The following TMEM131 variants were observed in gnomAD, a reference collection of about 807,000 sequenced individuals.
TMEM131 encodes transmembrane protein 131, also known as 2610524E03Rik.
A neutral mutation model predicts 211.6 loss-of-function variants in TMEM131; 66 were observed. The ratio of observed to expected loss-of-function variants is 0.31; its 90% CI spans 0.26 to 0.38. The LOEUF (loss-of-function observed/expected upper bound fraction) is 0.38. Ranked by LOEUF, TMEM131 falls within the 10% of genes least tolerant of loss-of-function variation. The pLI, the probability that TMEM131 is intolerant of heterozygous loss-of-function variation, is 1.00. For missense variants in TMEM131, 2,036 were observed against 2,299.3 expected (o/e 0.89, Z 2.34); for synonymous variants, 844 against 841.3 (o/e 1.00, Z -0.06).
At position 97,945,669 on chromosome 2, in the gene TMEM131, C is replaced by A. The variant is rs565392245; in HGVS notation, c.188-18182G>T. On this transcript the variant is annotated intron_variant, in intron 1 of 40. Coordinates refer to ENST00000186436, the MANE Select transcript of TMEM131 (RefSeq NM_015348.2). ...ATTGTGCACGGGGAGGAGAAAACAG[C>A]AAATGATAAAGCAAATGGGTCAAAC... Among the ~76,000 whole-genome samples, 11 of 152,104 alleles carry A rather than the reference C, an allele frequency of 7.2e-5. No individual in the cohort carries two copies. In the East Asian group the frequency reaches 2.1e-3, roughly 29 times the overall value.
chr2:97,932,673 A>G (rs1260045498), intron 1 of TMEM131, among the ~76,000 whole-genome samples: 1 of 152,242 alleles, frequency 6.6e-6, no homozygotes, highest in Non-Finnish European at 1.5e-5. Context: ...CTTCAGTTAT[A>G]AAATGTAGAA....
intron 31 of TMEM131, among the ~76,000 whole-genome samples, chr2:97,784,436 GCAATAA>G (rs1241101565): frequency 6.6e-6 from 1 of 151,990 alleles, no homozygotes; most frequent in African/African-American, 2.4e-5. Flanking sequence ...AAAGTAGAAA[GCAATAA>G]CAGAAAGATA....
intron 4 of TMEM131, among the ~76,000 whole-genome samples, chr2:97,875,765 G>C (rs1227023367): frequency 6.6e-6 from 1 of 152,088 alleles, no homozygotes; most frequent in Non-Finnish European, 1.5e-5. Flanking sequence ...AGAGAAAGCA[G>C]GAAAGATCTA....
intron 11 of TMEM131, among the ~76,000 whole-genome samples, chr2:97,822,602 G>C (rs982149466): frequency 1.3e-5 from 2 of 152,150 alleles, no homozygotes; most frequent in African/African-American, 4.8e-5. Context: ...TGGTATAGGA[G>C]GACAGGCAAG....
chr2:97,907,024 T>G (rs1259198380), intron 3 of TMEM131: 1 of 152,160 alleles, frequency 6.6e-6, no homozygotes, highest in Non-Finnish European at 1.5e-5. Flanking sequence ...TCTTCGTAAA[T>G]GTAGTGCAGT....
Position 97,813,040 on chromosome 2 carries a change from T to G in TMEM131, c.1618-291A>C, listed in dbSNP as rs979407333. ...ATGCTTTCCTATGCTTTTGTATATA[T>G]GCATAAAACCACACATTTATACGAC... On this transcript the variant is annotated intron_variant, in intron 15 of 40. Transcript: ENST00000186436. Among the ~76,000 whole-genome samples, 2 of 152,138 alleles carry G rather than the reference T, an allele frequency of 1.3e-5. 1 individual carries two copies. Among genetic ancestry groups the G allele is most frequent in the African/African-American group, 4.8e-5 (2 of 41,416 alleles).
chr2:97,872,731 C>G (rs1674540539), intron 4 of TMEM131, among the ~76,000 whole-genome samples: 1 of 152,244 alleles, frequency 6.6e-6, no homozygotes, highest in South Asian at 2.1e-4. Flanking sequence ...GTCCCATGGT[C>G]TCTGCAAGCT....
chr2:97,972,470 G>A (rs974583410), intron 1 of TMEM131, among the ~76,000 whole-genome samples: 2 of 147,306 alleles, frequency 1.4e-5, no homozygotes, highest in East Asian at 2.0e-4. Flanking sequence ...GAGGGAAGGC[G>A]GGCGGGAGGG....
chr2:97,794,674 C>T (rs1680677510), intron 29 of TMEM131, among the ~76,000 whole-genome samples: 1 of 152,132 alleles, frequency 6.6e-6, no homozygotes, highest in South Asian at 2.1e-4. Flanking sequence ...TTTATCTGAG[C>T]ATTTTAAAAA....
At chr2:97,869,314 G>A (rs1022362913) in intron 4 of TMEM131, among the ~76,000 whole-genome samples, 2 of 152,216 alleles carry the variant, frequency 1.3e-5, no homozygotes, top group African/African-American at 4.8e-5. Flanking sequence ...CTGCAGGAGA[G>A]GGCTGTGGGG....
At chr2:97,760,761 G>C (rs188951413) in intron 37 of TMEM131, 32 bp downstream of exon 37, 1 of 1,613,762 alleles carries the variant, frequency 6.2e-7, no homozygotes, top group Admixed American at 1.7e-5. Context: ...CTGGCGCCTG[G>C]CGTGGCAGGT....
chr2:97,757,113 G>T lies in TMEM131; in HGVS notation c.5638C>A (p.Pro1880Thr). The T allele has an allele frequency of 1.3e-6, 2 of 1,595,792 alleles. No homozygotes were observed. The highest frequency in any genetic ancestry group is 1.7e-6 in the Non-Finnish European group (2 of 1,168,050). Residue 1880 changes from proline to threonine, a missense_variant, in exon 41 of 41, where the codon CCT (proline) becomes ACT (threonine). Physicochemically the swap from Pro to Thr is conservative, Grantham distance 38. Coordinates refer to ENST00000186436, the MANE Select transcript of TMEM131 (RefSeq NM_015348.2). Reference sequence around the variant, plus strand: ...TTTTGCTTAATTTAATTCTCGTGAGGAAAGTGCGAATTAGACCAAGGGTCC... The same window carrying T: ...TTTTGCTTAATTTAATTCTCGTGAGTAAAGTGCGAATTAGACCAAGGGTCC... The part of the protein sequence containing the change: ...SSDPWSNSHF[P>T]HEN
rs1248606602 is a variant in TMEM131 at position 97,841,771 on chromosome 2, C to T, written c.723+44G>A. On this transcript the variant is annotated intron_variant, in intron 7 of 40. Transcript: ENST00000186436. ...TGAGATTTCATGCTAAGCATTAATT[C>T]CCACCAAAATGAAGCTTATTCAAAA... is the stretch of plus-strand genomic sequence containing the variant. 4 of 1,525,818 alleles carry T rather than the reference C, an allele frequency of 2.6e-6. No homozygotes were observed. In the Admixed American group the frequency reaches 8.6e-5, roughly 33 times the overall value. The allele number at this position is 1,525,818 out of a possible 1,614,324, so 94.5% of individuals were successfully genotyped here.
At chr2:97,980,046 TG>T (rs1679718750) in intron 1 of TMEM131, among the ~76,000 whole-genome samples, 1 of 152,036 alleles carries the variant, frequency 6.6e-6, no homozygotes, top group Non-Finnish European at 1.5e-5. Flanking sequence ...GGGCGAGAAG[TG>T]GGGGAACAGC....
chr2:97,845,416 A>T (rs1683378111), intron 5 of TMEM131, among the ~76,000 whole-genome samples: 1 of 152,180 alleles, frequency 6.6e-6, no homozygotes, highest in African/African-American at 2.4e-5. Context: ...CTGAGCCAGA[A>T]ATTAGCAACA....
chr2:97,795,771 A>C (rs1268231607), intron 28 of TMEM131, among the ~76,000 whole-genome samples: 2 of 152,206 alleles, frequency 1.3e-5, no homozygotes, highest in African/African-American at 4.8e-5. Flanking sequence ...AATATGCTGC[A>C]GCTATTACTG....
intron 3 of TMEM131, among the ~76,000 whole-genome samples, chr2:97,903,116 TC>T (rs1417632574): frequency 1.3e-5 from 2 of 152,190 alleles, no homozygotes; most frequent in Non-Finnish European, 2.9e-5. Context: ...TTCAATATTA[TC>T]TTCCACTAAA....
At chr2:97,779,075 G>A (rs1679865568) in intron 31 of TMEM131, among the ~76,000 whole-genome samples, 1 of 152,218 alleles carries the variant, frequency 6.6e-6, no homozygotes, top group African/African-American at 2.4e-5. Flanking sequence ...CGACCCCTCA[G>A]GGTCTAGGCC....
rs1677850829 is a variant in TMEM131, at chr2:97,943,042, AAAGAAAGAAAGAAAGAAAGAAAG to A, written c.188-15578_188-15556del. Reference sequence around the variant, plus strand: ...AAAAGAAAAGAAAAGAAAAGAAAAGAAAGAAAGAAAGAAAGAAAGAAAGAAAGAAAGAAAGAAAGAAAGAAAGA... The same window carrying A: ...AAAAGAAAAGAAAAGAAAAGAAAAGAAAAGAAAGAAAGAAAGAAAGAAAGA... On this transcript the variant is annotated intron_variant, in intron 1 of 40. Transcript: ENST00000186436. Among the ~76,000 whole-genome samples the A allele has an allele frequency of 8.3e-5, 4 of 48,196 alleles. No homozygotes were observed. In the Admixed American group the frequency reaches 9.1e-4, roughly 11 times the overall value. The allele number at this position is 48,196 out of a possible 152,430, so 31.6% of individuals were successfully genotyped here.
Sources: gnomAD v4.1 joint callset for allele counts (sites outside exome capture counted in the v4.1 genomes callset) on GRCh38, gnomAD v4.1.1 for gene constraint, MANE v1.5 for transcripts, NCBI Gene and HGNC (gene_info 2026-07-23, HGNC 2026-07-21) for gene names.